Variants in DAP3 observed in about 807,000 individuals in gnomAD.
DAP3 encodes death associated protein 3.
Under a neutral mutation model 51.9 loss-of-function variants are expected in DAP3, and 28 were observed. The ratio of observed to expected loss-of-function variants is 0.54; its 90% CI spans 0.40 to 0.74. The LOEUF (loss-of-function observed/expected upper bound fraction) is 0.74. Among genes scored for constraint, DAP3 ranks in the 30% least tolerant of loss-of-function variants. The probability of loss-of-function intolerance (pLI) is 0.00; values close to 1 mark genes in which losing one functional copy is unlikely to be tolerated. For synonymous variants in DAP3, 170 were observed against 170.3 expected, an observed-to-expected ratio of 1.00 and a Z score of 0.01; for missense variants, 458 against 483.5, an observed-to-expected ratio of 0.95 and a Z score of 0.49.
intron 1 of DAP3, among the ~76,000 whole-genome samples, chr1:155,697,311 G>A (rs12035524): frequency 0.23 from 35,014 of 152,088 alleles, 4,846 homozygotes; most frequent in East Asian, 0.69. Flanking sequence ...TGAAGAAGCT[G>A]CGGGCTGAAC....
At chr1:155,726,261 C>T (rs1212987317) in intron 6 of DAP3, 2 of 295,018 alleles carry the variant, frequency 6.8e-6, no homozygotes, top group Admixed American at 5.2e-5. Flanking sequence ...TTACAGGCGC[C>T]CACCACACCA....
chr1:155,729,376 C>A lies in DAP3; in HGVS notation c.843+10C>A, dbSNP rs367639956. On this transcript the variant is annotated intron_variant, in intron 9 of 12. Transcript: ENST00000368336. ...AGAAGATAAAAGCCCGGTAGGAAAACTGGGTGTCTCTATCTTGTTTCTCTG... is the reference window on the plus strand; with the variant it reads ...AGAAGATAAAAGCCCGGTAGGAAAAATGGGTGTCTCTATCTTGTTTCTCTG... 3.1e-6 allele frequency: 5 copies of A among 1,612,676 alleles called. No homozygotes were observed. Among genetic ancestry groups the A allele is most frequent in the Non-Finnish European group, 4.2e-6 (5 of 1,179,544 alleles).
intron 1 of DAP3, among the ~76,000 whole-genome samples, chr1:155,698,150 A>G (rs348195): frequency 0.13 from 19,109 of 152,110 alleles, 4,132 homozygotes; most frequent in African/African-American, 0.44. Context: ...AACAATTTGT[A>G]CAGGTAATGC....
chr1:155,699,871 C>T (rs561979152), intron 1 of DAP3, among the ~76,000 whole-genome samples: 14 of 152,344 alleles, frequency 9.2e-5, no homozygotes, highest in African/African-American at 3.1e-4. Context: ...CCGTCTCAGC[C>T]TCCCGAAGTG....
At chr1:155,690,629 T>C (rs1369410798) in intron 1 of DAP3, among the ~76,000 whole-genome samples, 1 of 142,406 alleles carries the variant, frequency 7.0e-6, no homozygotes, top group East Asian at 1.9e-4. Context: ...CTTTAATTTC[T>C]TAATTTTGAA....
At chr1:155,706,703 G>T (rs1328607031) in intron 1 of DAP3, among the ~76,000 whole-genome samples, 2 of 151,958 alleles carry the variant, frequency 1.3e-5, no homozygotes, top group South Asian at 2.1e-4. Context: ...GGGAGGCAAG[G>T]TTCCAGTGAA....
chr1:155,713,230 G>A (rs1656929979), intron 2 of DAP3, among the ~76,000 whole-genome samples: 1 of 152,124 alleles, frequency 6.6e-6, no homozygotes, highest in Non-Finnish European at 1.5e-5. Flanking sequence ...TTCATTCATA[G>A]GTCTTTAGCC....
At chr1:155,701,053 G>T (rs1403117839) in intron 1 of DAP3, among the ~76,000 whole-genome samples, 2 of 116,350 alleles carry the variant, frequency 1.7e-5, no homozygotes, top group South Asian at 4.9e-4. Context: ...GAGGGAGGTG[G>T]GGGGGGGTCA....
intron 1 of DAP3, among the ~76,000 whole-genome samples, chr1:155,696,933 T>TG (rs771945850): frequency 3.3e-5 from 5 of 152,208 alleles, no homozygotes; most frequent in Non-Finnish European, 7.3e-5. Flanking sequence ...TGGTGGGGGA[T>TG]GGGAGCCCTG....
At chr1:155,704,157 C>A (rs588561) in intron 1 of DAP3, among the ~76,000 whole-genome samples, 20 of 152,054 alleles carry the variant, frequency 1.3e-4, no homozygotes, top group African/African-American at 2.7e-4. Context: ...ACAAAATAAT[C>A]AAGTAGTGAG....
intron 3 of DAP3, among the ~76,000 whole-genome samples, chr1:155,717,338 T>C (rs1032401126): frequency 6.6e-6 from 1 of 152,204 alleles, no homozygotes. Context: ...TCTGTATCAG[T>C]TCCCATGTAA....
intron 6 of DAP3, 73 bp downstream of exon 6, chr1:155,726,092 A>C (rs1658546409): frequency 8.0e-7 from 1 of 1,257,344 alleles, no homozygotes; most frequent in Non-Finnish European, 1.1e-6. Flanking sequence ...TTGCAGCTTT[A>C]ATTTTCTTTT....
chr1:155,697,198 G>A (rs886549331), intron 1 of DAP3, among the ~76,000 whole-genome samples: 5 of 152,180 alleles, frequency 3.3e-5, no homozygotes, highest in African/African-American at 1.2e-4. Flanking sequence ...TCACCATAGT[G>A]AACTGCAGGT....
At chr1:155,701,811 A>C (rs1655320063) in intron 1 of DAP3, among the ~76,000 whole-genome samples, 3 of 151,946 alleles carry the variant, frequency 2.0e-5, no homozygotes, top group Admixed American at 2.0e-4. Flanking sequence ...TAAAGCTTCA[A>C]CCACACTGGA....
chr1:155,728,920 A>G (rs1267087788), intron 7 of DAP3, 122 bp from the exon 8 acceptor site: 4 of 893,428 alleles, frequency 4.5e-6, no homozygotes, highest in Non-Finnish European at 6.8e-6. Context: ...CTCTTACAGA[A>G]CCTGAACAAT....
chr1:155,699,229 A>T (rs1049980863), intron 1 of DAP3, among the ~76,000 whole-genome samples: 1 of 152,198 alleles, frequency 6.6e-6, no homozygotes, highest in Non-Finnish European at 1.5e-5. Context: ...TGTGTAGCAG[A>T]GGCGGTTTAA....
chr1:155,699,145 T>C (rs1558337539), intron 1 of DAP3, among the ~76,000 whole-genome samples: 1 of 152,124 alleles, frequency 6.6e-6, no homozygotes, highest in Non-Finnish European at 1.5e-5. Flanking sequence ...ATTTATTGAG[T>C]ATAATCACTT....
chr1:155,693,752 G>A (rs551338938), intron 1 of DAP3, among the ~76,000 whole-genome samples: 1 of 141,566 alleles, frequency 7.1e-6, no homozygotes, highest in South Asian at 2.1e-4. Context: ...ACCTGAGGTC[G>A]GGAGTTCGAG....
rs12043620 is a variant in DAP3, at chr1:155,698,182, C to T, written c.-8+9008C>T. On this transcript the variant is annotated intron_variant, in intron 1 of 12. Transcript: ENST00000368336. ...ATGCAATCATCACAGGGTCCTCAGG[C>T]GATATACATCCCCAGCTTACGAAGA... Among the ~76,000 whole-genome samples, 601 of 152,108 alleles carry T rather than the reference C, an allele frequency of 4.0e-3. 20 individuals are homozygous for T. In the East Asian group the frequency reaches 0.081, roughly 20 times the overall value.
Sources: gnomAD v4.1 joint callset for allele counts (sites outside exome capture counted in the v4.1 genomes callset) on GRCh38, gnomAD v4.1.1 for gene constraint, MANE v1.5 for transcripts, NCBI Gene and HGNC (gene_info 2026-07-23, HGNC 2026-07-21) for gene names.